Variants in DYSF observed in about 807,000 individuals in gnomAD.
DYSF encodes the protein dystrophy-associated fer-1-like 1.
Under a neutral mutation model 274.9 loss-of-function variants are expected in DYSF, and 212 were observed. The observed-to-expected ratio is 0.77, with a 90% confidence interval of 0.69 to 0.86. The LOEUF (loss-of-function observed/expected upper bound fraction) is 0.86, where lower values mean the gene tolerates loss of function less well. DYSF is among the 40% of genes least tolerant of loss of function. DYSF has a pLI of 0.00. For missense variants in DYSF, 2,666 were observed against 2,783.2 expected (o/e 0.96, Z 0.95); for synonymous variants, 1,091 against 1,078.7 (o/e 1.01, Z -0.22).
At chr2:71,607,654 C>A (rs112421200) in intron 36 of DYSF, among the ~76,000 whole-genome samples, 5 of 151,878 alleles carry the variant, frequency 3.3e-5, no homozygotes, top group African/African-American at 9.7e-5. Context: ...GATGGGTGGG[C>A]GGGCGTGAGA....
chr2:71,608,636 C>T (rs952231325), intron 36 of DYSF, among the ~76,000 whole-genome samples: 9 of 152,164 alleles, frequency 5.9e-5, no homozygotes, highest in African/African-American at 1.9e-4. Context: ...GCTTAACCTT[C>T]TCCAGGTTCT....
chr2:71,626,106 G>T (rs1403226237), intron 41 of DYSF, among the ~76,000 whole-genome samples: 1 of 151,772 alleles, frequency 6.6e-6, no homozygotes, highest in South Asian at 2.1e-4. Flanking sequence ...TAATTCTTCT[G>T]TCTATATTTC....
At chr2:71,562,390 C>A (rs1354847631) in intron 23 of DYSF, among the ~76,000 whole-genome samples, 7 of 152,186 alleles carry the variant, frequency 4.6e-5, no homozygotes, top group Admixed American at 3.9e-4. Context: ...TGCCTCTGAA[C>A]CCCAGGCCCA....
At chr2:71,528,493 GC>G in intron 14 of DYSF, 92 bp downstream of exon 14, 1 of 1,070,526 alleles carries the variant, frequency 9.3e-7, no homozygotes, top group Non-Finnish European at 1.4e-6. Context: ...AGAGTGAGAT[GC>G]CCCCACCAGA....
intron 1 of DYSF, among the ~76,000 whole-genome samples, chr2:71,478,302 C>T (rs2082565989): frequency 6.6e-6 from 1 of 151,590 alleles, no homozygotes; most frequent in Non-Finnish European, 1.5e-5. Context: ...AGCCCCGCCT[C>T]CTGGGTTCAC....
At chr2:71,521,763 T>C (rs1053374332) in intron 12 of DYSF, among the ~76,000 whole-genome samples, 2 of 152,156 alleles carry the variant, frequency 1.3e-5, no homozygotes, top group African/African-American at 2.4e-5. Context: ...ACTTCTCCAC[T>C]TAGCTGGGCC....
At chr2:71,617,282 G>A (rs1287848999) in intron 40 of DYSF, among the ~76,000 whole-genome samples, 1 of 152,242 alleles carries the variant, frequency 6.6e-6, no homozygotes, top group African/African-American at 2.4e-5. Context: ...GACAAGGGAT[G>A]AGGGGGTGTC....
intron 3 of DYSF, 108 bp downstream of exon 3, chr2:71,482,078 AT>A: frequency 2.3e-6 from 2 of 860,618 alleles, no homozygotes; most frequent in Non-Finnish European, 3.8e-6. Context: ...TTCAATTAGC[AT>A]TTATCCACCT....
Position 71,564,096 on chromosome 2 carries a change from G to T in DYSF, c.2448G>T (p.Leu816=). The T allele has an allele frequency of 6.2e-7, 1 of 1,614,258 alleles. No homozygotes were observed. Residue 816 remains leucine, a synonymous_variant, in exon 24 of 56, where the codon CTG becomes CTT. Coordinates refer to ENST00000410020, the MANE Select transcript of DYSF (RefSeq NM_001130987.2). ...NSLPDIVIWM[L]QGDKRVAYQR... ...TGCCGGACATCGTCATCTGGATGCT[G>T]CAGGGAGACAAGCGTGTGGCATACC... is the stretch of plus-strand genomic sequence containing the variant.
At chr2:71,551,261 A>G in intron 18 of DYSF, 105 bp downstream of exon 18, 1 of 1,177,360 alleles carries the variant, frequency 8.5e-7, no homozygotes. Flanking sequence ...GGGGCCCACG[A>G]CCTGGCAGCC....
At chr2:71,611,951 C>T (rs1574342909) in intron 38 of DYSF, among the ~76,000 whole-genome samples, 1 of 152,066 alleles carries the variant, frequency 6.6e-6, no homozygotes, top group African/African-American at 2.4e-5. Flanking sequence ...TAGGGCTTGG[C>T]TTTCCAGGAT....
chr2:71,519,459 A>C (rs2086996362), intron 10 of DYSF, among the ~76,000 whole-genome samples: 1 of 152,204 alleles, frequency 6.6e-6, no homozygotes, highest in African/African-American at 2.4e-5. Flanking sequence ...TGGAATGTAC[A>C]CAGTTCCCAT....
rs13428076 is a variant in DYSF at position 71,515,762 on chromosome 2, T to A, written c.888+11T>A. 2.5e-6 allele frequency: 4 copies of A among 1,613,888 alleles called. No homozygotes were observed. In the East Asian group the frequency reaches 6.7e-5, roughly 27 times the overall value. On this transcript the variant is annotated intron_variant, in intron 8 of 55. Coordinates refer to ENST00000410020, the MANE Select transcript of DYSF (RefSeq NM_001130987.2). ...CCACTCTTCAATGAGGTGGGAGACA[T>A]GGGGCATGAGGGCCAGAACCTTGGT...
chr2:71,515,638 A>G lies in DYSF; in HGVS notation c.775A>G (p.Ile259Val). The G allele has an allele frequency of 6.2e-7, 1 of 1,613,768 alleles. No homozygotes were observed. Among genetic ancestry groups the G allele is most frequent in the Non-Finnish European group, 8.5e-7 (1 of 1,179,878 alleles). Reference protein sequence around the residue: ...PQDFQIRVQVIEGRQLPGVNI... With the variant: ...PQDFQIRVQVVEGRQLPGVNI... ...TGGCTTTCAGATCAGGGTCCAGGTG[A>G]TCGAGGGGCGCCAGCTGCCGGGGGT... The change falls in exon 8 of 56, where the codon ATC becomes GTC. Residue 259 changes from isoleucine to valine, a missense_variant. Around this residue, in one of 3 missense-constraint regions of DYSF, gnomAD observed 794 missense variants for 777.1 expected, o/e 1.02. Transcript: ENST00000410020.
chr2:71,602,578 C>T, intron 35 of DYSF, 198 bp from the exon 36 acceptor site: 1 of 584,588 alleles, frequency 1.7e-6, no homozygotes, highest in Non-Finnish European at 3.2e-6. Context: ...CCAGGGACCA[C>T]TTTAGGGGCG....
At chr2:71,633,201 G>A (rs956921241) in intron 41 of DYSF, among the ~76,000 whole-genome samples, 2 of 152,196 alleles carry the variant, frequency 1.3e-5, no homozygotes, top group African/African-American at 2.4e-5. Flanking sequence ...ATGTCTTTGT[G>A]GCTTTGGGGG....
chr2:71,663,495 A>G (rs1205860143), intron 45 of DYSF, among the ~76,000 whole-genome samples: 2 of 152,164 alleles, frequency 1.3e-5, no homozygotes, highest in Non-Finnish European at 2.9e-5. Context: ...TTGCCCAGGC[A>G]TGGGCCAGAG....
intron 40 of DYSF, among the ~76,000 whole-genome samples, chr2:71,620,223 C>T (rs752638908): frequency 6.6e-6 from 1 of 152,184 alleles, no homozygotes. Context: ...AAGAGTCAGG[C>T]ATTGGCTGAG....
At chr2:71,558,264 G>T (rs1041866129) in intron 22 of DYSF, among the ~76,000 whole-genome samples, 1 of 152,158 alleles carries the variant, frequency 6.6e-6, no homozygotes, top group Non-Finnish European at 1.5e-5. Flanking sequence ...CTCTGAGAGG[G>T]TCAGCAGGAG....
Sources: gnomAD v4.1 joint callset for allele counts (sites outside exome capture counted in the v4.1 genomes callset) on GRCh38, gnomAD v4.1.1 for gene constraint, gnomAD v4.1.1 regional missense constraint, MANE v1.5 for transcripts, NCBI Gene and HGNC (gene_info 2026-07-23, HGNC 2026-07-21) for gene names.